RPAP3: variants seen among roughly 807,000 people sequenced by gnomAD.
RPAP3 encodes RNA polymerase II-associated protein 3.
RPAP3 carries 58 observed loss-of-function variants against 88.8 expected under a neutral mutation model. The ratio of observed to expected loss-of-function variants is 0.65; its 90% CI spans 0.53 to 0.81. RPAP3 has a LOEUF of 0.81. Ranked by LOEUF, RPAP3 falls within the 40% of genes least tolerant of loss-of-function variation. The pLI, the probability that RPAP3 is intolerant of heterozygous loss-of-function variation, is 0.00. For missense variants in RPAP3, 751 were observed against 764.3 expected (o/e 0.98, Z 0.20); for synonymous variants, 255 against 259.9 (o/e 0.98, Z 0.18).
At chr12:47,687,812 T>A in intron 8 of RPAP3, 64 bp downstream of exon 8, 1 of 1,524,416 alleles carries the variant, frequency 6.6e-7, no homozygotes, top group Non-Finnish European at 8.8e-7. Flanking sequence ...TTAACTGATA[T>A]ACAAGAAATA....
chr12:47,704,523 C>G (rs1254248219), intron 1 of RPAP3, among the ~76,000 whole-genome samples: 2 of 151,292 alleles, frequency 1.3e-5, no homozygotes, highest in Non-Finnish European at 3.0e-5. Flanking sequence ...TGCAGGCCAC[C>G]ACGCCCGGCT....
chr12:47,697,588 A>G lies in RPAP3; in HGVS notation c.417+9T>C. On this transcript the variant is annotated intron_variant, in intron 4 of 16. Transcript: ENST00000005386. ...ACATGAAAAAAAACAAAACCTAACT[A>G]ATTAGTACCTTTTCTTTTAAAACAA... 6.3e-7 allele frequency: 1 copy of G among 1,590,960 alleles called. No individual in the cohort carries two copies. The highest frequency in any genetic ancestry group is 8.5e-7 in the Non-Finnish European group (1 of 1,173,418).
Position 47,663,149 on chromosome 12 carries a change from C to CTAAT in RPAP3, c.*352_*355dup. Reference sequence around the variant, plus strand: ...CTTTACAAAGGTAATTATTCATATGCTAATGAAGCAGCTTTGGCAAGTGGT... The same window carrying CTAAT: ...CTTTACAAAGGTAATTATTCATATGCTAATTAATGAAGCAGCTTTGGCAAGTGGT... On this transcript the variant is annotated 3_prime_UTR_variant, in exon 17 of 17. Transcript: ENST00000005386. 1 of 164,396 alleles carries CTAAT rather than the reference C, an allele frequency of 6.1e-6. No homozygotes were observed. The highest frequency in any genetic ancestry group is 1.3e-5 in the Non-Finnish European group (1 of 76,466). 10.2% of individuals were successfully genotyped at this position (164,396 alleles called of 1,614,324 possible).
chr12:47,688,659 TCA>T (rs1462439024), intron 7 of RPAP3, among the ~76,000 whole-genome samples: 3 of 152,202 alleles, frequency 2.0e-5, no homozygotes, highest in African/African-American at 7.2e-5. Context: ...AATTCAATAT[TCA>T]CAGTCATTAT....
rs537276513 is a variant in RPAP3 at position 47,679,029 on chromosome 12, G to T, written c.1287+464C>A. On this transcript the variant is annotated intron_variant, in intron 12 of 16. Coordinates refer to ENST00000005386, the MANE Select transcript of RPAP3 (RefSeq NM_024604.3). ...ATCCACCAATGATAGACTAGATTAA[G>T]AAAATGTGGCACATATACACCACGG... Among the ~76,000 whole-genome samples the T allele has an allele frequency of 2.6e-5, 4 of 152,346 alleles. No individual in the cohort carries two copies. The South Asian group carries it at 8.3e-4, about 32-fold the overall frequency.
intron 9 of RPAP3, among the ~76,000 whole-genome samples, chr12:47,682,475 A>C (rs1359674141): frequency 6.6e-6 from 1 of 152,158 alleles, no homozygotes; most frequent in African/African-American, 2.4e-5. Context: ...ATTTCTTAGG[A>C]GTGCTAATGG....
chr12:47,689,973 C>T (rs1003035608), intron 6 of RPAP3, among the ~76,000 whole-genome samples: 1 of 147,454 alleles, frequency 6.8e-6, no homozygotes, highest in African/African-American at 2.5e-5. Context: ...ACCCGGGAGG[C>T]GGAGGTTGCT....
intron 3 of RPAP3, among the ~76,000 whole-genome samples, chr12:47,698,592 C>T (rs1163342796): frequency 1.3e-5 from 2 of 152,124 alleles, no homozygotes; most frequent in Non-Finnish European, 2.9e-5. Flanking sequence ...CAGCTTACTG[C>T]AACCTCCATC....
chr12:47,702,606 T>C, intron 2 of RPAP3, 82 bp downstream of exon 2: 3 of 1,186,258 alleles, frequency 2.5e-6, no homozygotes, highest in Non-Finnish European at 3.5e-6. Context: ...ATTTCAGTAT[T>C]TTCACAAAAC....
intron 15 of RPAP3, 137 bp from the exon 16 acceptor site, chr12:47,667,217 C>T (rs1205458882): frequency 1.3e-5 from 5 of 371,422 alleles, no homozygotes; most frequent in Non-Finnish European, 2.4e-5. Context: ...ATTTTAAATG[C>T]CCAAATGAAG....
intron 3 of RPAP3, among the ~76,000 whole-genome samples, chr12:47,700,727 A>G (rs977244786): frequency 3.9e-5 from 6 of 152,224 alleles, no homozygotes; most frequent in African/African-American, 1.4e-4. Context: ...GGGAGGACAC[A>G]TATCTGCTAT....
Position 47,701,712 on chromosome 12 carries a change from A to C in RPAP3, c.154-108T>G, listed in dbSNP as rs1031608267. ...CTATATTTTCTTCTAAGAATTTTTT[A>C]ATTTTAAAGTGTTTAAAAAGACCAA... On this transcript the variant is annotated intron_variant, in intron 2 of 16. Coordinates refer to ENST00000005386, the MANE Select transcript of RPAP3 (RefSeq NM_024604.3). The C allele has an allele frequency of 4.3e-6, 4 of 920,728 alleles. 1 individual carries two copies. Among genetic ancestry groups the C allele is most frequent in the Non-Finnish European group, 5.9e-6 (4 of 681,730 alleles). 57.0% of individuals were successfully genotyped at this position (920,728 alleles called of 1,614,324 possible).
Position 47,666,985 on chromosome 12 carries a change from TTC to T in RPAP3, c.1905_1906del (p.Lys637AspfsTer7). 4 of 1,509,124 alleles carry T rather than the reference TTC, an allele frequency of 2.7e-6. No individual in the cohort carries two copies. Among genetic ancestry groups the T allele is most frequent in the Non-Finnish European group, 3.5e-6 (4 of 1,127,322 alleles). 93.5% of individuals were successfully genotyped at this position (1,509,124 alleles called of 1,614,324 possible). On this transcript the variant is annotated frameshift_variant, in exon 16 of 17. Coordinates refer to ENST00000005386, the MANE Select transcript of RPAP3 (RefSeq NM_024604.3). LOFTEE classifies it high-confidence loss of function. ...AAAACTTTCATAGAACTTACTCTTT[TTC>T]TCTGTTTCTGACATAAACATCACTG...
chr12:47,667,900 T>C, intron 14 of RPAP3, 49 bp from the exon 15 acceptor site: 1 of 1,171,030 alleles, frequency 8.5e-7, no homozygotes, highest in Non-Finnish European at 1.2e-6. Context: ...CACTTACATA[T>C]CACAAATTAC....
intron 3 of RPAP3, among the ~76,000 whole-genome samples, chr12:47,700,915 T>C (rs1939642089): frequency 6.6e-6 from 1 of 152,206 alleles, no homozygotes. Context: ...GGGAGTATCT[T>C]AGAATTCTGA....
chr12:47,689,068 G>A, intron 7 of RPAP3, 57 bp downstream of exon 7: 1 of 768,690 alleles, frequency 1.3e-6, no homozygotes, highest in Non-Finnish European at 2.2e-6. Context: ...TATGCAAAAA[G>A]CTTTACTTCT....
At chr12:47,694,658 T>TA (rs796634469) in intron 5 of RPAP3, among the ~76,000 whole-genome samples, 60 of 120,876 alleles carry the variant, frequency 5.0e-4, no homozygotes, top group South Asian at 1.2e-3. Context: ...GGAAAAGCCC[T>TA]AAAAAAAAAA....
At chr12:47,697,005 A>G (rs910691002) in intron 4 of RPAP3, among the ~76,000 whole-genome samples, 6 of 152,238 alleles carry the variant, frequency 3.9e-5, no homozygotes, top group African/African-American at 7.2e-5. Context: ...TAAAATACCC[A>G]GCATTATACT....
Position 47,702,668 on chromosome 12 carries a change from A to G in RPAP3, c.153+20T>C. 6.6e-7 allele frequency: 1 copy of G among 1,521,764 alleles called. No individual in the cohort carries two copies. The highest frequency in any genetic ancestry group is 8.9e-7 in the Non-Finnish European group (1 of 1,129,902). The allele number at this position is 1,521,764 out of a possible 1,614,324, so 94.3% of individuals were successfully genotyped here. ...ATAAAATTAGTTTTGGTGGATCTTA[A>G]TTACGAATTCTTAATTTACCTCTTC... On this transcript the variant is annotated intron_variant, in intron 2 of 16. Transcript: ENST00000005386.
Sources: allele counts gnomAD v4.1 joint callset (sites outside exome capture counted in the v4.1 genomes callset), GRCh38; gene constraint gnomAD v4.1.1; transcripts MANE v1.5; gene names NCBI Gene and HGNC (gene_info 2026-07-23, HGNC 2026-07-21).